The following PLOD2 variants were observed in gnomAD, a reference collection of about 807,000 sequenced individuals.
PLOD2 encodes lysine hydroxylase 2.
In PLOD2, 65 loss-of-function variants were observed where a neutral mutation model predicts 101.0. The observed-to-expected ratio is 0.64, with a 90% CI of 0.53 to 0.79. The LOEUF is 0.79. Among genes scored for constraint, PLOD2 ranks in the 30% least tolerant of loss-of-function variants. The probability of loss-of-function intolerance (pLI) is 0.00; values close to 1 mark genes in which losing one functional copy is unlikely to be tolerated. For synonymous variants in PLOD2, 314 were observed against 302.9 expected (o/e 1.04, Z -0.38); for missense variants, 909 against 914.6 (o/e 0.99, Z 0.08).
At chr3:146,134,634 C>T (rs1341561769) in intron 1 of PLOD2, among the ~76,000 whole-genome samples, 1 of 152,136 alleles carries the variant, frequency 6.6e-6, no homozygotes, top group Non-Finnish European at 1.5e-5. Flanking sequence ...CTGTTTATTT[C>T]ATATTTTACA....
chr3:146,072,740 T>C, intron 16 of PLOD2, 75 bp from the exon 17 acceptor site: 1 of 891,404 alleles, frequency 1.1e-6, no homozygotes, highest in South Asian at 1.4e-5. Context: ...TATTTTAATA[T>C]GTGTAAAATA....
chr3:146,158,962 T>C (rs1470594386), intron 1 of PLOD2, among the ~76,000 whole-genome samples: 1 of 152,200 alleles, frequency 6.6e-6, no homozygotes, highest in African/African-American at 2.4e-5. Context: ...ACGAATAAGC[T>C]TCTATTTAGT....
chr3:146,104,249 C>G, intron 6 of PLOD2, 30 bp downstream of exon 6: 1 of 1,369,676 alleles, frequency 7.3e-7, no homozygotes, highest in Non-Finnish European at 1.0e-6. Flanking sequence ...TGTTTGTATA[C>G]GTAAGCAATC....
intron 1 of PLOD2, among the ~76,000 whole-genome samples, chr3:146,153,161 A>G (rs1453610177): frequency 7.2e-5 from 11 of 152,038 alleles, no homozygotes; most frequent in Non-Finnish European, 1.6e-4. Context: ...CCATCAAAGA[A>G]CCCATCCGCC....
In PLOD2 at chr3:146,109,033, G is replaced by C. The variant is rs1473795668; in HGVS notation, c.502+1252C>G. Among the ~76,000 whole-genome samples, 5 of 152,158 alleles carry C rather than the reference G, an allele frequency of 3.3e-5. No individual in the cohort carries two copies. The East Asian group carries it at 9.6e-4, about 29-fold the overall frequency. ...TCCATGAGCCGCATGCTCAAGCAGA[G>C]AAGTGATGGTGGGTAGCCATATTAG... is the stretch of plus-strand genomic sequence containing the variant. On this transcript the variant is annotated intron_variant, in intron 4 of 19. Transcript: ENST00000282903.
chr3:146,125,702 A>C, intron 1 of PLOD2, among the ~76,000 whole-genome samples: 1 of 152,154 alleles, frequency 6.6e-6, no homozygotes, highest in African/African-American at 2.4e-5. Context: ...AGCCAAGATC[A>C]CACGGCTGCA....
chr3:146,081,669 G>A, intron 12 of PLOD2, 69 bp downstream of exon 12: 1 of 1,385,900 alleles, frequency 7.2e-7, no homozygotes, highest in Non-Finnish European at 1.0e-6. Flanking sequence ...AAAATTTCAA[G>A]TAATACTAAC....
At chr3:146,113,065 A>T in intron 3 of PLOD2, among the ~76,000 whole-genome samples, 1 of 152,196 alleles carries the variant, frequency 6.6e-6, no homozygotes, top group East Asian at 1.9e-4. Context: ...AATGATGGAT[A>T]CAGATTATAT....
chr3:146,082,839 G>A (rs1576578320), intron 11 of PLOD2, among the ~76,000 whole-genome samples: 1 of 152,098 alleles, frequency 6.6e-6, no homozygotes, highest in Non-Finnish European at 1.5e-5. Context: ...AGGTTGCAGT[G>A]AGCCAAGATC....
chr3:146,123,000 A>G (rs1166157158), intron 2 of PLOD2, among the ~76,000 whole-genome samples: 2 of 152,072 alleles, frequency 1.3e-5, no homozygotes, highest in Non-Finnish European at 2.9e-5. Flanking sequence ...ATAGTAACAT[A>G]TTTCTAACAT....
chr3:146,072,468 A>G (rs1262853811), intron 17 of PLOD2, 93 bp downstream of exon 17: 7 of 823,234 alleles, frequency 8.5e-6, no homozygotes, highest in Non-Finnish European at 1.5e-5. Context: ...ACTCAGAGAC[A>G]TATGAGAAAA....
chr3:146,106,732 G>C, intron 4 of PLOD2, 88 bp from the exon 5 acceptor site: 1 of 778,548 alleles, frequency 1.3e-6, no homozygotes, highest in Non-Finnish European at 2.4e-6. Context: ...GTTGAACAGA[G>C]TTGTGAAGTC....
chr3:146,095,171 G>A (rs1445052584), intron 7 of PLOD2, among the ~76,000 whole-genome samples: 1 of 152,064 alleles, frequency 6.6e-6, no homozygotes, highest in Non-Finnish European at 1.5e-5. Context: ...AAGACTTCAC[G>A]ACTAAAACAC....
At chr3:146,083,976 A>C (rs1219112437) in intron 11 of PLOD2, among the ~76,000 whole-genome samples, 1 of 151,940 alleles carries the variant, frequency 6.6e-6, no homozygotes, top group African/African-American at 2.4e-5. Flanking sequence ...GTTCACTAAG[A>C]GAATAATTAA....
At position 146,124,239 on chromosome 3, in the gene PLOD2, CAAAAG is replaced by C. The variant is rs776265458; in HGVS notation, c.110-15_110-11del. 2 of 1,399,406 alleles carry C rather than the reference CAAAAG, an allele frequency of 1.4e-6. No homozygotes were observed. The highest frequency in any genetic ancestry group is 1.2e-5 in the South Asian group (1 of 86,720). 86.7% of individuals were successfully genotyped at this position (1,399,406 alleles called of 1,614,324 possible). A position where few individuals can be genotyped will look rare whatever the true frequency, so the allele number is the denominator to read the frequency against. ...ATGACTAATAATTTATCTGCAAAGA[CAAAAG>C]GAAACAAAAGAAGGTTTACCAAGAT... On this transcript the variant is annotated splice_polypyrimidine_tract_variant and intron_variant, in intron 1 of 19. Transcript: ENST00000282903.
chr3:146,087,286 T>G (rs1263452436), intron 9 of PLOD2, among the ~76,000 whole-genome samples: 1 of 151,958 alleles, frequency 6.6e-6, no homozygotes, highest in African/African-American at 2.4e-5. Flanking sequence ...AAATCTTAGA[T>G]ATATGTTGTG....
intron 3 of PLOD2, among the ~76,000 whole-genome samples, chr3:146,118,680 A>T (rs981309096): frequency 6.6e-6 from 1 of 152,318 alleles, no homozygotes; most frequent in East Asian, 1.9e-4. Flanking sequence ...TTATAAAATT[A>T]TAAGAAGATG....
intron 3 of PLOD2, among the ~76,000 whole-genome samples, chr3:146,116,164 T>C (rs550485425): frequency 6.6e-6 from 1 of 152,126 alleles, no homozygotes; most frequent in South Asian, 2.1e-4. Flanking sequence ...TATGTCTATA[T>C]TTCCAGAGAT....
chr3:146,158,267 T>C (rs1312573826), intron 1 of PLOD2, among the ~76,000 whole-genome samples: 2 of 152,172 alleles, frequency 1.3e-5, no homozygotes, highest in East Asian at 3.9e-4. Flanking sequence ...AAGGATATAA[T>C]TTTCAGGTAA....
Sources: allele counts gnomAD v4.1 joint callset (sites outside exome capture counted in the v4.1 genomes callset), GRCh38; gene constraint gnomAD v4.1.1; transcripts MANE v1.5; gene names NCBI Gene and HGNC (gene_info 2026-07-23, HGNC 2026-07-21).